NHLRC2: variants seen among roughly 807,000 people sequenced by gnomAD.
NHLRC2 encodes NHL repeat containing 2, also known as NHL repeat-containing protein 2.
NHLRC2 carries 33 observed loss-of-function variants against 68.1 expected under a neutral mutation model. The observed-to-expected ratio is 0.48, with a 90% CI of 0.37 to 0.65. NHLRC2 has a LOEUF of 0.65. Ranked by LOEUF, NHLRC2 falls within the 30% of genes least tolerant of loss-of-function variation. The pLI is 0.00. For synonymous variants in NHLRC2, 311 were observed against 309.6 expected (o/e 1.00, Z -0.05); for missense variants, 761 against 853.8 (o/e 0.89, Z 1.35).
At position 113,876,887 on chromosome 10, in the gene NHLRC2, A is replaced by C. The variant is rs1179967457; in HGVS notation, c.698A>C (p.Gln233Pro). The C allele has an allele frequency of 6.2e-7, 1 of 1,612,662 alleles. No individual in the cohort carries two copies. The highest frequency in any genetic ancestry group is 8.5e-7 in the Non-Finnish European group (1 of 1,179,148). The stretch of plus-strand genomic sequence containing the variant: ...TTTCCTGGCAAAGTAACAGTAGACC[A>C]AGTTACTGATAGATTGGTAATAGCA... ...LLFPGKVTVD[Q>P]VTDRLVIADT... The change falls in exon 3 of 11, where the codon CAA (glutamine) becomes CCA (proline). Residue 233 changes from glutamine to proline, a missense_variant. Coordinates refer to ENST00000369301, the MANE Select transcript of NHLRC2 (RefSeq NM_198514.4).
chr10:113,870,303 A>G (rs758548762), intron 2 of NHLRC2, among the ~76,000 whole-genome samples: 4 of 152,166 alleles, frequency 2.6e-5, no homozygotes, highest in African/African-American at 9.7e-5. Flanking sequence ...TATTCATTCT[A>G]TCCACCCATC....
At chr10:113,878,218 G>T (rs891597612) in intron 3 of NHLRC2, among the ~76,000 whole-genome samples, 3 of 151,946 alleles carry the variant, frequency 2.0e-5, no homozygotes, top group South Asian at 2.1e-4. Flanking sequence ...TTTTCCTTAT[G>T]GGGGGGTATA....
At position 113,913,770 on chromosome 10, in the gene NHLRC2, A is replaced by G. The variant is rs1359412516; in HGVS notation, c.*5234A>G. On this transcript the variant is annotated 3_prime_UTR_variant, in exon 11 of 11. Transcript: ENST00000369301. The stretch of plus-strand genomic sequence containing the variant: ...CTCCCCATGACTCAAATATTAATAT[A>G]TGCAATTCTGTTACAGTAAAGTTTT... The G allele has an allele frequency of 6.6e-6, 1 of 151,798 alleles. No individual in the cohort carries two copies. 9.4% of individuals were successfully genotyped at this position (151,798 alleles called of 1,614,324 possible). A position where few individuals can be genotyped will look rare whatever the true frequency, so the allele number is the denominator to read the frequency against.
rs374870109 is a variant in NHLRC2 at position 113,879,780 on chromosome 10, G to A, written c.909+85G>A. ...TACATTAAATATTTGAAGTTAAAGCGTGATTCTTATGTATGTCAATGTCCT... is the reference window on the plus strand; with the variant it reads ...TACATTAAATATTTGAAGTTAAAGCATGATTCTTATGTATGTCAATGTCCT... On this transcript the variant is annotated intron_variant, in intron 4 of 10. Transcript: ENST00000369301. The A allele has an allele frequency of 6.8e-4, 619 of 909,296 alleles. 1 individual carries two copies. In the African/African-American group the frequency reaches 7.8e-3, roughly 11 times the overall value. 56.3% of individuals were successfully genotyped at this position (909,296 alleles called of 1,614,324 possible). A position where few individuals can be genotyped will look rare whatever the true frequency, so the allele number is the denominator to read the frequency against.
chr10:113,866,218 A>G (rs934895484), intron 2 of NHLRC2, among the ~76,000 whole-genome samples: 1 of 152,250 alleles, frequency 6.6e-6, no homozygotes, highest in Non-Finnish European at 1.5e-5. Flanking sequence ...GCAAAAAGCA[A>G]AACCTACTTA....
At position 113,904,927 on chromosome 10, in the gene NHLRC2, C is replaced by G; in HGVS notation, c.1815C>G (p.Pro605=). 3.7e-6 allele frequency: 6 copies of G among 1,605,010 alleles called. No homozygotes were observed. The highest frequency in any genetic ancestry group is 5.1e-6 in the Non-Finnish European group (6 of 1,176,596). ...PKSAPSIRLS[P]VTACAGQTLQ... ...CTGCTCCAAGCATTAGGCTTTCCCC[C>G]GTGACTGCGTGTGCTGGCCAGACTC... The change falls in exon 10 of 11, where the codon CCC becomes CCG. Residue 605 remains proline, a synonymous_variant. Coordinates refer to ENST00000369301, the MANE Select transcript of NHLRC2 (RefSeq NM_198514.4).
chr10:113,907,187 CTCTT>C (rs1846284198), intron 10 of NHLRC2, among the ~76,000 whole-genome samples: 1 of 152,162 alleles, frequency 6.6e-6, no homozygotes, highest in Non-Finnish European at 1.5e-5. Context: ...CACCTTCGTA[CTCTT>C]ATTTGACATA....
At chr10:113,862,349 A>T (rs907726620) in intron 2 of NHLRC2, among the ~76,000 whole-genome samples, 3 of 152,134 alleles carry the variant, frequency 2.0e-5, no homozygotes, top group Non-Finnish European at 4.4e-5. Context: ...CATAAATTCA[A>T]ATTAGAGCGT....
At chr10:113,873,541 C>G (rs906043706) in intron 2 of NHLRC2, among the ~76,000 whole-genome samples, 4 of 152,136 alleles carry the variant, frequency 2.6e-5, no homozygotes, top group Admixed American at 1.3e-4. Context: ...CTGCAACCTA[C>G]CTAAGTTTAC....
chr10:113,870,222 C>A (rs558692167), intron 2 of NHLRC2, among the ~76,000 whole-genome samples: 10 of 152,148 alleles, frequency 6.6e-5, no homozygotes, highest in African/African-American at 2.4e-4. Context: ...CATTTTAAGT[C>A]CCCCCATCTT....
In NHLRC2 at chr10:113,915,394, C is replaced by A. The variant is rs1012133897; in HGVS notation, c.*6858C>A. The A allele has an allele frequency of 5.9e-5, 22 of 369,980 alleles. No homozygotes were observed. In the Admixed American group the frequency reaches 5.9e-4, roughly 10 times the overall value. 22.9% of individuals were successfully genotyped at this position (369,980 alleles called of 1,614,324 possible). A position where few individuals can be genotyped will look rare whatever the true frequency, so the allele number is the denominator to read the frequency against. Reference sequence around the variant, plus strand: ...TCCTTCCTCTTTAAGCAGCAACTTACCACAGGCTTGGTGGCTTTAAGTAAT... The same window carrying A: ...TCCTTCCTCTTTAAGCAGCAACTTAACACAGGCTTGGTGGCTTTAAGTAAT... On this transcript the variant is annotated 3_prime_UTR_variant, in exon 11 of 11. Transcript: ENST00000369301.
rs146402410 is a variant in NHLRC2 at position 113,901,873 on chromosome 10, C to T, written c.1347C>T (p.Leu449=). ...VSLKDGAVKH[L]VGGERDPMNL... ...TGAAAGATGGAGCAGTGAAGCACCTCGTAGGAGGAGAAAGAGACCCCATGG... is the reference window on the plus strand; with the variant it reads ...TGAAAGATGGAGCAGTGAAGCACCTTGTAGGAGGAGAAAGAGACCCCATGG... Residue 449 remains leucine (L), a synonymous_variant, in exon 7 of 11, where the codon CTC becomes CTT. Transcript: ENST00000369301. 11 of 1,613,022 alleles carry T rather than the reference C, an allele frequency of 6.8e-6. No individual in the cohort carries two copies. The highest frequency in any genetic ancestry group is 2.7e-5 in the African/African-American group (2 of 74,874).
Position 113,901,749 on chromosome 10 carries a change from G to T in NHLRC2, c.1223G>T (p.Gly408Val), listed in dbSNP as rs781061048. Residue 408 changes from glycine to valine, a missense_variant, in exon 7 of 11, where the codon GGT becomes GTT. Physicochemically the swap from Gly to Val is moderately radical, Grantham distance 109. Coordinates refer to ENST00000369301, the MANE Select transcript of NHLRC2 (RefSeq NM_198514.4). ...AACAATGCCTATCCTCACAAGGCAG[G>T]TTTTGCCCAACCTTCAGGCCTTTCC... ...NRNNAYPHKA[G>V]FAQPSGLSLA... The T allele has an allele frequency of 3.1e-6, 5 of 1,614,172 alleles. No individual in the cohort carries two copies. The highest frequency in any genetic ancestry group is 4.2e-6 in the Non-Finnish European group (5 of 1,179,996).
intron 2 of NHLRC2, among the ~76,000 whole-genome samples, chr10:113,870,210 T>G (rs1031215405): frequency 1.3e-5 from 2 of 152,172 alleles, no homozygotes; most frequent in African/African-American, 2.4e-5. Context: ...CTATTTGTAT[T>G]TCATTTTAAG....
chr10:113,914,713 A>C lies in NHLRC2; in HGVS notation c.*6177A>C, dbSNP rs1846364859. The C allele has an allele frequency of 7.3e-6, 2 of 273,708 alleles. No individual in the cohort carries two copies. Among genetic ancestry groups the C allele is most frequent in the South Asian group, 7.6e-5 (2 of 26,170 alleles). The allele number at this position is 273,708 out of a possible 1,614,324, so 17.0% of individuals were successfully genotyped here. A position where few individuals can be genotyped will look rare whatever the true frequency, so the allele number is the denominator to read the frequency against. ...TTAAAAGTAGAATCCACTGTTAAGC[A>C]CCAAGATTACCTTTTCTTCCCCCTG... On this transcript the variant is annotated 3_prime_UTR_variant, in exon 11 of 11. Coordinates refer to ENST00000369301, the MANE Select transcript of NHLRC2 (RefSeq NM_198514.4).
intron 2 of NHLRC2, among the ~76,000 whole-genome samples, chr10:113,861,393 AAG>A (rs1279381887): frequency 2.0e-5 from 3 of 152,348 alleles, no homozygotes; most frequent in South Asian, 4.1e-4. Context: ...CCTAAAACCA[AAG>A]AGAGAATTTT....
intron 2 of NHLRC2, among the ~76,000 whole-genome samples, chr10:113,863,230 A>T (rs932192869): frequency 3.3e-5 from 5 of 152,322 alleles, no homozygotes; most frequent in Admixed American, 2.6e-4. Flanking sequence ...GCCACAAGTT[A>T]ATTTCAATAG....
intron 3 of NHLRC2, among the ~76,000 whole-genome samples, chr10:113,878,855 T>TA: frequency 6.6e-6 from 1 of 152,272 alleles, no homozygotes; most frequent in East Asian, 1.9e-4. Flanking sequence ...GCCACTCTGT[T>TA]ACACTACCTT....
At chr10:113,904,707 G>A (rs1345820491) in intron 9 of NHLRC2, 110 bp from the exon 10 acceptor site, 10 of 780,824 alleles carry the variant, frequency 1.3e-5, no homozygotes, top group East Asian at 2.7e-5. Flanking sequence ...ATGGCGATTA[G>A]TTTCATTGAC....
Sources: allele counts gnomAD v4.1 joint callset (sites outside exome capture counted in the v4.1 genomes callset), GRCh38; gene constraint gnomAD v4.1.1; transcripts MANE v1.5; gene names NCBI Gene and HGNC (gene_info 2026-07-23, HGNC 2026-07-21).